Variants in MRTFA observed in about 807,000 individuals in gnomAD.
The protein encoded by MRTFA is myocardin related transcription factor A.
MRTFA carries 20 observed loss-of-function variants against 83.5 expected under a neutral mutation model. The observed-to-expected ratio is 0.24, with a 90% confidence interval of 0.17 to 0.35. MRTFA has a LOEUF of 0.35. MRTFA is among the 10% of genes least tolerant of loss of function. The pLI is 1.00. For synonymous variants in MRTFA, 659 were observed against 541.2 expected, an observed-to-expected ratio of 1.22 and a Z score of -3.02; for missense variants, 1,200 against 1,224.7, an observed-to-expected ratio of 0.98 and a Z score of 0.30.
chr22:40,625,237 T>C (rs2056567790), intron 1 of MRTFA, among the ~76,000 whole-genome samples: 2 of 151,674 alleles, frequency 1.3e-5, no homozygotes, highest in Non-Finnish European at 1.5e-5. Flanking sequence ...CCCAACATTT[T>C]AAGAGGCCAA....
chr22:40,543,913 T>TA (rs1161766445), intron 3 of MRTFA, among the ~76,000 whole-genome samples: 2 of 152,216 alleles, frequency 1.3e-5, no homozygotes, highest in African/African-American at 4.8e-5. Flanking sequence ...TGGGAGGACT[T>TA]ACTTCTCCCA....
intron 3 of MRTFA, among the ~76,000 whole-genome samples, chr22:40,515,502 T>C (rs952851390): frequency 6.6e-6 from 1 of 151,776 alleles, no homozygotes; most frequent in Non-Finnish European, 1.5e-5. Context: ...GAGATCAGCC[T>C]GGCAATAGAG....
At chr22:40,455,623 G>T (rs1163552636) in intron 4 of MRTFA, among the ~76,000 whole-genome samples, 2 of 148,640 alleles carry the variant, frequency 1.3e-5, no homozygotes, top group Non-Finnish European at 3.0e-5. Context: ...TCCAGCCTGG[G>T]TGACAGAGCC....
At chr22:40,502,152 G>C (rs1175562881) in intron 3 of MRTFA, among the ~76,000 whole-genome samples, 2 of 141,508 alleles carry the variant, frequency 1.4e-5, no homozygotes, top group Non-Finnish European at 3.1e-5. Context: ...CTGGCCGGGC[G>C]GGGGGCTGAC....
intron 7 of MRTFA, among the ~76,000 whole-genome samples, chr22:40,424,793 A>G (rs2052918721): frequency 6.6e-6 from 1 of 152,148 alleles, no homozygotes; most frequent in African/African-American, 2.4e-5. Flanking sequence ...CCCACACTGC[A>G]CAAAACTCTC....
Position 40,603,939 on chromosome 22 carries a change from A to G in MRTFA, c.-83-9204T>C, listed in dbSNP as rs1472333999. On this transcript the variant is annotated intron_variant, in intron 1 of 14. Transcript: ENST00000355630. ...CTGAATACTGTTGAAACTGGGTGAC[A>G]GGCCCATGGTGGTGGTTCATTGCAT... Among the ~76,000 whole-genome samples the G allele has an allele frequency of 2.6e-5, 4 of 152,118 alleles. No homozygotes were observed. In the East Asian group the frequency reaches 7.7e-4, roughly 29 times the overall value.
rs765960309 is a variant in MRTFA, at chr22:40,410,779, C to A, written c.*611G>T. 6 of 232,058 alleles carry A rather than the reference C, an allele frequency of 2.6e-5. No individual in the cohort carries two copies. Among genetic ancestry groups the A allele is most frequent in the East Asian group, 6.0e-5 (1 of 16,530 alleles). 14.4% of individuals were successfully genotyped at this position (232,058 alleles called of 1,614,324 possible). On this transcript the variant is annotated 3_prime_UTR_variant, in exon 15 of 15. Transcript: ENST00000355630. ...GGAGTTGCACCCATCTCCTGTCCGC[C>A]CCCCCCCAAAAATATATATGTATGT... is the stretch of plus-strand genomic sequence containing the variant.
chr22:40,609,170 A>C, intron 1 of MRTFA, among the ~76,000 whole-genome samples: 1 of 152,002 alleles, frequency 6.6e-6, no homozygotes, highest in South Asian at 2.1e-4. Flanking sequence ...GCACACCTGT[A>C]GTCCCAGCTT....
chr22:40,587,092 T>C (rs1468353615), intron 2 of MRTFA: 4 of 452,560 alleles, frequency 8.8e-6, no homozygotes, highest in Non-Finnish European at 1.8e-5. Flanking sequence ...CTACGATGAA[T>C]CTTCCTGCAA....
intron 2 of MRTFA, chr22:40,587,688 T>G (rs936797308): frequency 3.1e-6 from 1 of 327,066 alleles, no homozygotes; most frequent in African/African-American, 2.2e-5. Flanking sequence ...CAGGTTTTGG[T>G]TGGTGCAAAC....
At chr22:40,627,553 C>G (rs1015095963) in intron 1 of MRTFA, among the ~76,000 whole-genome samples, 1 of 152,204 alleles carries the variant, frequency 6.6e-6, no homozygotes, top group Non-Finnish European at 1.5e-5. Context: ...ATTACTACTA[C>G]AAAGAGTTCT....
chr22:40,441,312 A>C (rs1301959553), intron 4 of MRTFA, among the ~76,000 whole-genome samples: 2 of 152,210 alleles, frequency 1.3e-5, no homozygotes, highest in Non-Finnish European at 2.9e-5. Flanking sequence ...TCACAGTTTC[A>C]GTTCTAGATG....
intron 3 of MRTFA, among the ~76,000 whole-genome samples, chr22:40,485,398 T>C (rs3827381): frequency 0.12 from 18,299 of 152,074 alleles, 1,242 homozygotes; most frequent in East Asian, 0.24. Context: ...GAAAACAGCC[T>C]GAACTGTGGC....
At chr22:40,427,075 T>G (rs1398012514) in intron 7 of MRTFA, among the ~76,000 whole-genome samples, 1 of 152,230 alleles carries the variant, frequency 6.6e-6, no homozygotes, top group Non-Finnish European at 1.5e-5. Flanking sequence ...GCACAAGTCA[T>G]ATTTTATTCA....
At chr22:40,499,224 T>A (rs914223971) in intron 3 of MRTFA, among the ~76,000 whole-genome samples, 1 of 152,242 alleles carries the variant, frequency 6.6e-6, no homozygotes, top group South Asian at 2.1e-4. Flanking sequence ...ACATCTTGTC[T>A]GCATTACATG....
intron 2 of MRTFA, chr22:40,586,909 C>T: frequency 2.4e-6 from 1 of 419,312 alleles, no homozygotes; most frequent in South Asian, 1.7e-5. Flanking sequence ...GCTGGTGCTG[C>T]TGGTGCTGGT....
intron 4 of MRTFA, among the ~76,000 whole-genome samples, chr22:40,457,452 AAG>A (rs2053608935): frequency 7.2e-6 from 1 of 138,448 alleles, no homozygotes; most frequent in East Asian, 2.0e-4. Flanking sequence ...GAAAGAAAGA[AAG>A]AAAGAAAGAA....
chr22:40,483,367 AAG>A, intron 3 of MRTFA, among the ~76,000 whole-genome samples: 1 of 149,164 alleles, frequency 6.7e-6, no homozygotes, highest in Non-Finnish European at 1.5e-5. Context: ...GACAGACCTA[AAG>A]TAATTTTTTT....
At chr22:40,567,156 AG>A (rs1303757077) in intron 2 of MRTFA, among the ~76,000 whole-genome samples, 1 of 152,234 alleles carries the variant, frequency 6.6e-6, no homozygotes, top group Non-Finnish European at 1.5e-5. Context: ...AACATTTAAC[AG>A]AAATTTGACA....
Sources: gnomAD v4.1 joint callset for allele counts (sites outside exome capture counted in the v4.1 genomes callset) on GRCh38, gnomAD v4.1.1 for gene constraint, MANE v1.5 for transcripts, NCBI Gene and HGNC (gene_info 2026-07-23, HGNC 2026-07-21) for gene names.